Variants in PTPN13 observed in about 807,000 individuals in gnomAD.
PTPN13 encodes the protein protein tyrosine phosphatase non-receptor type 13.
In PTPN13, 191 loss-of-function variants were observed where a neutral mutation model predicts 284.0. The ratio of observed to expected loss-of-function variants is 0.67; its 90% CI spans 0.60 to 0.76. PTPN13 has a LOEUF of 0.76. Among genes scored for constraint, PTPN13 ranks in the 30% least tolerant of loss-of-function variants. PTPN13 has a pLI of 0.00. For missense variants in PTPN13, 2,797 were observed against 2,939.9 expected, an observed-to-expected ratio of 0.95 and a Z score of 1.12; for synonymous variants, 986 against 1,022.3, an observed-to-expected ratio of 0.96 and a Z score of 0.68.
At chr4:86,792,284 TAAAG>T (rs1742778047) in intron 40 of PTPN13, among the ~76,000 whole-genome samples, 2 of 151,990 alleles carry the variant, frequency 1.3e-5, no homozygotes, top group South Asian at 4.2e-4. Flanking sequence ...ATTAATGAAA[TAAAG>T]CAAGAAGACA....
rs377549373 is a variant in PTPN13, at chr4:86,701,269, C to T, written c.663C>T (p.Asp221=). ...GAAGCTCTACTTCTGATGTACTAGA[C>T]ATACAAAAGCCTCCACTCTCTCATC... ...TGRSSTSDVL[D]IQKPPLSHQT... is the part of the protein sequence containing the mutation. Residue 221 remains aspartate (D), a synonymous_variant, in exon 7 of 48, where the codon GAC becomes GAT. Coordinates refer to ENST00000411767, the MANE Select transcript of PTPN13 (RefSeq NM_080683.3). 2.3e-5 allele frequency: 36 copies of T among 1,593,892 alleles called. No individual in the cohort carries two copies. The highest frequency in any genetic ancestry group is 2.7e-5 in the African/African-American group (2 of 73,796).
At chr4:86,772,747 T>TA in intron 31 of PTPN13, 31 bp from the exon 32 acceptor site, 1 of 1,544,366 alleles carries the variant, frequency 6.5e-7, no homozygotes, top group African/African-American at 1.4e-5. Context: ...GAAATGTATT[T>TA]AAAAATAGTC....
chr4:86,780,083 T>C (rs28441099), intron 35 of PTPN13, among the ~76,000 whole-genome samples: 15,188 of 152,028 alleles, frequency 0.1, 880 homozygotes, highest in Non-Finnish European at 0.11. Flanking sequence ...AAAGAAGTGA[T>C]TCTTAATCTT....
At chr4:86,738,355 C>T (rs1230229795) in intron 15 of PTPN13, among the ~76,000 whole-genome samples, 2 of 152,198 alleles carry the variant, frequency 1.3e-5, no homozygotes, top group Admixed American at 1.3e-4. Flanking sequence ...AGTTGCTCCA[C>T]ATCCTTGACA....
intron 5 of PTPN13, among the ~76,000 whole-genome samples, chr4:86,693,322 C>A (rs1052898892): frequency 3.3e-5 from 5 of 152,112 alleles, no homozygotes; most frequent in African/African-American, 1.2e-4. Context: ...CAAGTTTAAT[C>A]TGATGGTATT....
chr4:86,755,488 A>G (rs1204154890), intron 20 of PTPN13, among the ~76,000 whole-genome samples: 1 of 152,090 alleles, frequency 6.6e-6, no homozygotes, highest in East Asian at 1.9e-4. Context: ...CAGCAATTGA[A>G]AAGTAACTTT....
chr4:86,758,745 C>T lies in PTPN13; in HGVS notation c.3381C>T (p.Ala1127=). The T allele has an allele frequency of 6.2e-7, 1 of 1,613,650 alleles. No homozygotes were observed. The highest frequency in any genetic ancestry group is 8.5e-7 in the Non-Finnish European group (1 of 1,179,724). ...LDLGIFISSV[A]PGGPADLDGC... ...TAGGCATATTTATCAGTTCAGTTGCCCCTGGAGGACCAGCTGACTTGGATG... is the reference window on the plus strand; with the variant it reads ...TAGGCATATTTATCAGTTCAGTTGCTCCTGGAGGACCAGCTGACTTGGATG... Residue 1127 remains alanine, a synonymous_variant, in exon 22 of 48, where the codon GCC becomes GCT. Coordinates refer to ENST00000411767, the MANE Select transcript of PTPN13 (RefSeq NM_080683.3).
At chr4:86,700,566 A>G (rs2149003724) in intron 6 of PTPN13, among the ~76,000 whole-genome samples, 1 of 152,286 alleles carries the variant, frequency 6.6e-6, no homozygotes. Flanking sequence ...ATAATGGTAA[A>G]TTATGTTCTA....
intron 42 of PTPN13, among the ~76,000 whole-genome samples, chr4:86,801,925 AAGGATATTGTC>A (rs1303120720): frequency 6.6e-6 from 1 of 152,194 alleles, no homozygotes; most frequent in Non-Finnish European, 1.5e-5. Flanking sequence ...TATTGAAGCA[AAGGATATTGTC>A]ATTATAATTC....
chr4:86,622,209 T>C (rs1721331118), intron 1 of PTPN13, among the ~76,000 whole-genome samples: 1 of 152,206 alleles, frequency 6.6e-6, no homozygotes, highest in Non-Finnish European at 1.5e-5. Flanking sequence ...AATAAGACCA[T>C]TGCCCTTATT....
chr4:86,801,866 G>A (rs1327222406), intron 42 of PTPN13, among the ~76,000 whole-genome samples: 1 of 152,036 alleles, frequency 6.6e-6, no homozygotes, highest in Non-Finnish European at 1.5e-5. Flanking sequence ...CAAGCTGTTC[G>A]TAAAAAGAAT....
At chr4:86,756,391 A>T (rs1214839555) in intron 20 of PTPN13, among the ~76,000 whole-genome samples, 1 of 152,094 alleles carries the variant, frequency 6.6e-6, no homozygotes, top group Non-Finnish European at 1.5e-5. Flanking sequence ...TCATTAAACT[A>T]GGCATTAAAT....
Position 86,782,254 on chromosome 4 carries a change from T to C in PTPN13, c.6016T>C (p.Phe2006Leu). Residue 2006 changes from phenylalanine (F) to leucine (L), a missense_variant, in exon 37 of 48, where the codon TTC becomes CTC. By Grantham distance (22) the Phe-to-Leu change is conservative. Coordinates refer to ENST00000411767, the MANE Select transcript of PTPN13 (RefSeq NM_080683.3). Reference sequence around the variant, plus strand: ...GCCTGCCCTCACTCCTAATGATTCATTCTCCACGGTAAGAAAAAGCCCACC... The same window carrying C: ...GCCTGCCCTCACTCCTAATGATTCACTCTCCACGGTAAGAAAAAGCCCACC... ...SQPALTPNDS[F>L]STVAGEEINE... is the part of the protein sequence containing the mutation. The C allele has an allele frequency of 6.2e-7, 1 of 1,605,100 alleles. No individual in the cohort carries two copies. Among genetic ancestry groups the C allele is most frequent in the East Asian group, 2.2e-5 (1 of 44,814 alleles).
chr4:86,665,313 T>C (rs1726945585), intron 2 of PTPN13, among the ~76,000 whole-genome samples: 1 of 152,194 alleles, frequency 6.6e-6, no homozygotes, highest in Non-Finnish European at 1.5e-5. Flanking sequence ...AACAGACCAA[T>C]TTGGAGTAAC....
At chr4:86,692,282 G>C (rs1299551929) in intron 5 of PTPN13, among the ~76,000 whole-genome samples, 1 of 152,162 alleles carries the variant, frequency 6.6e-6, no homozygotes, top group African/African-American at 2.4e-5. Flanking sequence ...TGACAGTACA[G>C]TGTAATCTGG....
chr4:86,793,151 G>A lies in PTPN13; in HGVS notation c.6346-3723G>A, dbSNP rs529140049. Among the ~76,000 whole-genome samples the A allele has an allele frequency of 2.5e-3, 380 of 152,260 alleles. 2 individuals are homozygous for A. Among genetic ancestry groups the A allele is most frequent in the South Asian group, 0.019 (93 of 4,818 alleles). Reference sequence around the variant, plus strand: ...ATGACGTGCATAGGCTCAAAATAAAGGGATGGGGGAAGATCTACCAAGCCA... The same window carrying A: ...ATGACGTGCATAGGCTCAAAATAAAAGGATGGGGGAAGATCTACCAAGCCA... On this transcript the variant is annotated intron_variant, in intron 40 of 47. Transcript: ENST00000411767.
chr4:86,735,200 C>T (rs1017671122), intron 14 of PTPN13, among the ~76,000 whole-genome samples: 4 of 152,194 alleles, frequency 2.6e-5, no homozygotes, highest in Admixed American at 6.5e-5. Flanking sequence ...CTGCCTTCCA[C>T]ATGATGGGCT....
Position 86,807,712 on chromosome 4 carries a change from C to T in PTPN13, c.6898C>T (p.Gln2300Ter). 1 of 1,613,884 alleles carries T rather than the reference C, an allele frequency of 6.2e-7. No individual in the cohort carries two copies. Among genetic ancestry groups the T allele is most frequent in the Non-Finnish European group, 8.5e-7 (1 of 1,179,874 alleles). The change falls in exon 45 of 48, where the codon CAA (glutamine) becomes TAA (stop). Residue 2300 changes from glutamine (Q) to a stop codon, truncating the protein, a stop_gained. Transcript: ENST00000411767. LOFTEE classifies it high-confidence loss of function. ...AGACTTCTGGCAGATGATTTGGGAG[C>T]AAAAATCCACAGTGATAGCCATGAT... ...VGDFWQMIWE[Q>*]KSTVIAMMTQ...
chr4:86,667,287 C>G (rs1196619758), intron 2 of PTPN13, among the ~76,000 whole-genome samples: 3 of 152,026 alleles, frequency 2.0e-5, no homozygotes, highest in African/African-American at 7.2e-5. Context: ...TGTAAAATGT[C>G]TTTAAAGAGA....
Sources: gnomAD v4.1 joint callset for allele counts (sites outside exome capture counted in the v4.1 genomes callset) on GRCh38, gnomAD v4.1.1 for gene constraint, MANE v1.5 for transcripts, NCBI Gene and HGNC (gene_info 2026-07-23, HGNC 2026-07-21) for gene names.